Variants in DDC observed in about 807,000 individuals in gnomAD.
DDC encodes the protein dopa decarboxylase, also known as aromatic-L-amino-acid decarboxylase.
Under a neutral mutation model 60.0 loss-of-function variants are expected in DDC, and 43 were observed. The observed-to-expected ratio is 0.72, with a 90% confidence interval of 0.56 to 0.92. The LOEUF (loss-of-function observed/expected upper bound fraction) is 0.92. Among genes scored for constraint, DDC ranks in the 40% least tolerant of loss-of-function variants. The pLI, the probability that DDC is intolerant of heterozygous loss-of-function variation, is 0.00. For missense variants in DDC, 573 were observed against 620.2 expected, an observed-to-expected ratio of 0.92 and a Z score of 0.81; for synonymous variants, 232 against 234.6, an observed-to-expected ratio of 0.99 and a Z score of 0.10.
chr7:50,553,388 C>T (rs2045073079), intron 1 of DDC, among the ~76,000 whole-genome samples: 1 of 152,142 alleles, frequency 6.6e-6, no homozygotes, highest in Non-Finnish European at 1.5e-5. Context: ...CACTATCCCC[C>T]TCAAGCATAT....
At chr7:50,502,788 T>G (rs750339555) in intron 7 of DDC, among the ~76,000 whole-genome samples, 8 of 152,254 alleles carry the variant, frequency 5.3e-5, no homozygotes, top group Non-Finnish European at 7.3e-5. Flanking sequence ...GCATTTTCCC[T>G]GCATTAATTT....
intron 6 of DDC, among the ~76,000 whole-genome samples, chr7:50,504,828 G>A (rs2043349827): frequency 6.6e-6 from 1 of 152,174 alleles, no homozygotes; most frequent in South Asian, 2.1e-4. Flanking sequence ...CTCATGGAAT[G>A]CTTCTTTCAG....
At chr7:50,492,556 G>T in intron 9 of DDC, 1 of 370,190 alleles carries the variant, frequency 2.7e-6, no homozygotes, top group Non-Finnish European at 4.0e-6. Flanking sequence ...CAACCACCCT[G>T]CCCCACCACT....
At chr7:50,542,253 G>A (rs867893887) in intron 2 of DDC, 1 of 152,166 alleles carries the variant, frequency 6.6e-6, no homozygotes, top group Non-Finnish European at 1.5e-5. Flanking sequence ...AGGGAGGAAG[G>A]AGCCGACAAA....
intron 6 of DDC, among the ~76,000 whole-genome samples, chr7:50,505,972 G>A (rs544625736): frequency 6.6e-6 from 1 of 152,256 alleles, no homozygotes; most frequent in African/African-American, 2.4e-5. Context: ...CCAAGGGGAG[G>A]GGGACATGGG....
chr7:50,482,492 C>T (rs1440567797), intron 9 of DDC, among the ~76,000 whole-genome samples: 1 of 152,122 alleles, frequency 6.6e-6, no homozygotes, highest in Non-Finnish European at 1.5e-5. Flanking sequence ...CCATCTGTGC[C>T]CGCGCTGGTG....
chr7:50,527,439 C>A (rs776037807), intron 6 of DDC, among the ~76,000 whole-genome samples: 1 of 152,172 alleles, frequency 6.6e-6, no homozygotes, highest in African/African-American at 2.4e-5. Context: ...TAAATAGAAT[C>A]TATTCAAATT....
intron 6 of DDC, among the ~76,000 whole-genome samples, chr7:50,521,445 T>A (rs993658227): frequency 6.6e-6 from 1 of 152,160 alleles, no homozygotes; most frequent in African/African-American, 2.4e-5. Flanking sequence ...AGACCAGTAT[T>A]ACAAAGACAT....
At chr7:50,560,335 G>C (rs1219635890) in intron 1 of DDC, among the ~76,000 whole-genome samples, 1 of 152,118 alleles carries the variant, frequency 6.6e-6, no homozygotes, top group Non-Finnish European at 1.5e-5. Context: ...ATTTCGCTTG[G>C]AAACTGAAGA....
At chr7:50,530,996 A>G (rs1481985129) in intron 4 of DDC, among the ~76,000 whole-genome samples, 1 of 152,188 alleles carries the variant, frequency 6.6e-6, no homozygotes, top group African/African-American at 2.4e-5. Context: ...GGACAGTAAT[A>G]TTGAAAGATA....
intron 4 of DDC, among the ~76,000 whole-genome samples, chr7:50,530,849 A>C (rs903389870): frequency 6.6e-6 from 1 of 152,212 alleles, no homozygotes; most frequent in African/African-American, 2.4e-5. Context: ...AGAAATATAT[A>C]ATAAAATAAT....
At chr7:50,469,295 G>A (rs938221655) in intron 12 of DDC, among the ~76,000 whole-genome samples, 13 of 150,806 alleles carry the variant, frequency 8.6e-5, no homozygotes, top group Non-Finnish European at 7.4e-5. Context: ...AGTGGGGCTT[G>A]GAGCTGATAA....
At position 50,499,150 on chromosome 7, in the gene DDC, C is replaced by G. The variant is rs776720492; in HGVS notation, c.874G>C (p.Glu292Gln). 2 of 1,610,994 alleles carry G rather than the reference C, an allele frequency of 1.2e-6. No individual in the cohort carries two copies. Among genetic ancestry groups the G allele is most frequent in the African/African-American group, 2.7e-5 (2 of 74,870 alleles). ...GGGAGAGCGAAGGGTGCACCTACCT[C>G]CACTCCATTCAGAAGGTGCCGGAAC... ...PEFRHLLNGVEFADSFNFNPH... is the reference protein window; with the variant it reads ...PEFRHLLNGVQFADSFNFNPH... The change falls in exon 8 of 15, where the codon GAG becomes CAG. Residue 292 changes from glutamate (E) to glutamine (Q), a missense_variant and splice_region_variant. By Grantham distance (29) the Glu-to-Gln change is conservative. Coordinates refer to ENST00000444124, the MANE Select transcript of DDC (RefSeq NM_001082971.2).
At chr7:50,539,623 C>T (rs560931578) in intron 3 of DDC, among the ~76,000 whole-genome samples, 5 of 152,290 alleles carry the variant, frequency 3.3e-5, no homozygotes, top group African/African-American at 1.2e-4. Context: ...TTCCCAGGTT[C>T]GAGCTGCAGA....
chr7:50,561,941 C>A (rs2045350076), intron 1 of DDC, among the ~76,000 whole-genome samples: 1 of 151,848 alleles, frequency 6.6e-6, no homozygotes, highest in Non-Finnish European at 1.5e-5. Flanking sequence ...TACACACGTA[C>A]AATAGCACAT....
intron 11 of DDC, among the ~76,000 whole-genome samples, chr7:50,472,095 A>C (rs1057308094): frequency 6.6e-6 from 1 of 152,148 alleles, no homozygotes; most frequent in Admixed American, 6.5e-5. Context: ...AATTCGATGC[A>C]CTGTCCCCTC....
intron 1 of DDC, among the ~76,000 whole-genome samples, chr7:50,558,003 C>T (rs1272772992): frequency 2.0e-5 from 3 of 152,114 alleles, no homozygotes; most frequent in Non-Finnish European, 4.4e-5. Flanking sequence ...ATGATAACTA[C>T]TAGGTAATTT....
intron 7 of DDC, among the ~76,000 whole-genome samples, chr7:50,503,520 A>T (rs2043307663): frequency 6.6e-6 from 1 of 152,172 alleles, no homozygotes; most frequent in South Asian, 2.1e-4. Context: ...ATCCAGTTTC[A>T]TTGTGTTGAT....
chr7:50,516,013 G>A (rs538633596), intron 6 of DDC, among the ~76,000 whole-genome samples: 1 of 152,244 alleles, frequency 6.6e-6, no homozygotes, highest in African/African-American at 2.4e-5. Flanking sequence ...GCACTAGACA[G>A]GTCATCAAGA....
Sources: allele counts gnomAD v4.1 joint callset (sites outside exome capture counted in the v4.1 genomes callset), GRCh38; gene constraint gnomAD v4.1.1; transcripts MANE v1.5; gene names NCBI Gene and HGNC (gene_info 2026-07-23, HGNC 2026-07-21).